NID1: variants seen among roughly 807,000 people sequenced by gnomAD.
The protein encoded by NID1 is nidogen 1.
A neutral mutation model predicts 130.6 loss-of-function variants in NID1; 76 were observed. That is an observed-to-expected ratio of 0.58 (90% CI 0.48 to 0.70). NID1 has a LOEUF of 0.70. NID1 is among the 30% of genes least tolerant of loss of function. The pLI, the probability that NID1 is intolerant of heterozygous loss-of-function variation, is 0.00. For missense variants in NID1, 1,517 were observed against 1,664.8 expected (o/e 0.91, Z 1.54); for synonymous variants, 665 against 675.1 (o/e 0.98, Z 0.23).
At chr1:236,054,744 C>T (rs1464727316) in intron 1 of NID1, among the ~76,000 whole-genome samples, 1 of 151,478 alleles carries the variant, frequency 6.6e-6, no homozygotes, top group Non-Finnish European at 1.5e-5. Flanking sequence ...TGGATTCAAG[C>T]AATTCTCCTG....
intron 4 of NID1, among the ~76,000 whole-genome samples, chr1:236,038,599 C>A (rs1659331288): frequency 6.6e-6 from 1 of 151,362 alleles, no homozygotes; most frequent in African/African-American, 2.4e-5. Flanking sequence ...TGGTGTCCAT[C>A]CAAACTAGTG....
chr1:235,981,860 G>T, intron 15 of NID1, 78 bp from the exon 16 acceptor site: 1 of 1,326,794 alleles, frequency 7.5e-7, no homozygotes, highest in Non-Finnish European at 1.0e-6. Context: ...AATACTCAAT[G>T]TTATTTCACA....
At chr1:236,041,811 C>A in intron 4 of NID1, 99 bp downstream of exon 4, 2 of 1,438,528 alleles carry the variant, frequency 1.4e-6, no homozygotes, top group South Asian at 1.4e-5. Context: ...CTTTACAAAC[C>A]ACCATGTAAT....
In NID1 at chr1:236,049,378, C is replaced by A. The variant is rs535901640; in HGVS notation, c.226-389G>T. ...CCTGTAGTTCCAGCTACTTGGGAGG[C>A]TGAGCTGGGAGGATGGCTTAAGCCC... On this transcript the variant is annotated intron_variant, in intron 1 of 19. Transcript: ENST00000264187. Among the ~76,000 whole-genome samples, 3 of 152,202 alleles carry A rather than the reference C, an allele frequency of 2.0e-5. No individual in the cohort carries two copies. The South Asian group carries it at 6.2e-4, about 32-fold the overall frequency.
chr1:236,013,365 AACTTTCTCAGGTTACAC>A (rs1658487678), intron 11 of NID1, 29 bp downstream of exon 11: 1 of 1,605,110 alleles, frequency 6.2e-7, no homozygotes, highest in Non-Finnish European at 8.5e-7. Flanking sequence ...CCACCTAGGA[AACTTTCTCAGGTTACAC>A]ACAGGGGAAG....
chr1:236,024,232 T>C lies in NID1; in HGVS notation c.1985-19A>G, dbSNP rs1389339973. ...GAGCCTTCTGTGAAGACAGAGACAT[T>C]GGAACCAAGTGAGTCTTCAGGAGCT... On this transcript the variant is annotated intron_variant, in intron 8 of 19. Transcript: ENST00000264187. The C allele has an allele frequency of 1.2e-6, 2 of 1,613,524 alleles. No individual in the cohort carries two copies. Among genetic ancestry groups the C allele is most frequent in the East Asian group, 4.5e-5 (2 of 44,880 alleles).
chr1:236,041,645 G>A (rs1023230038), intron 4 of NID1, among the ~76,000 whole-genome samples: 23 of 152,024 alleles, frequency 1.5e-4, no homozygotes, highest in African/African-American at 5.1e-4. Context: ...CAGACAGAAC[G>A]GAATACTAGG....
At chr1:235,985,326 C>T in intron 15 of NID1, 53 bp downstream of exon 15, 1 of 1,609,548 alleles carries the variant, frequency 6.2e-7, no homozygotes, top group Non-Finnish European at 8.5e-7. Flanking sequence ...TACATGGCCA[C>T]TTTGGCTGCT....
chr1:235,988,521 C>T (rs1450886325), intron 14 of NID1, among the ~76,000 whole-genome samples: 1 of 152,170 alleles, frequency 6.6e-6, no homozygotes, highest in Admixed American at 6.5e-5. Context: ...AGCAATTCCA[C>T]TTTGGTATAT....
At chr1:235,993,952 G>A (rs955654133) in intron 12 of NID1, 80 bp from the exon 13 acceptor site, 8 of 1,372,162 alleles carry the variant, frequency 5.8e-6, no homozygotes, top group Middle Eastern at 1.8e-4. Context: ...AGGAGTCCCC[G>A]CAGCTCGCTC....
intron 12 of NID1, among the ~76,000 whole-genome samples, chr1:236,004,816 C>T (rs1658200057): frequency 6.6e-6 from 1 of 150,814 alleles, no homozygotes; most frequent in South Asian, 2.1e-4. Flanking sequence ...GAGCTAGACC[C>T]TAGGAAATTG....
At chr1:236,044,034 T>C (rs1659528058) in intron 3 of NID1, among the ~76,000 whole-genome samples, 2 of 152,156 alleles carry the variant, frequency 1.3e-5, no homozygotes, top group South Asian at 4.1e-4. Context: ...TATCAGAAAT[T>C]ACATGAAATA....
chr1:236,013,767 T>C (rs1486516326), intron 10 of NID1, among the ~76,000 whole-genome samples: 1 of 152,192 alleles, frequency 6.6e-6, no homozygotes, highest in African/African-American at 2.4e-5. Flanking sequence ...TGATGGGTCT[T>C]GGCTGACTGA....
At chr1:236,054,019 A>G (rs1659830853) in intron 1 of NID1, among the ~76,000 whole-genome samples, 1 of 152,240 alleles carries the variant, frequency 6.6e-6, no homozygotes, top group Non-Finnish European at 1.5e-5. Context: ...AGACAGAAGA[A>G]CATGCTAATG....
intron 12 of NID1, among the ~76,000 whole-genome samples, chr1:236,007,450 TA>T (rs1658283125): frequency 6.6e-6 from 1 of 152,170 alleles, no homozygotes; most frequent in South Asian, 2.1e-4. Context: ...TGGTCTTCCA[TA>T]CTTGGGCAGA....
rs542510126 is a variant in NID1 at position 236,054,557 on chromosome 1, C to A, written c.226-5568G>T. Among the ~76,000 whole-genome samples, 14 of 152,304 alleles carry A rather than the reference C, an allele frequency of 9.2e-5. No individual in the cohort carries two copies. In the South Asian group the frequency reaches 2.9e-3, roughly 32 times the overall value. ...ACCTGAAAAGCAAAATAAAACATTT[C>A]ATGAAACCATTTGCATATTGGACAA... On this transcript the variant is annotated intron_variant, in intron 1 of 19. Transcript: ENST00000264187.
intron 5 of NID1, 139 bp from the exon 6 acceptor site, chr1:236,032,791 G>T: frequency 8.8e-7 from 1 of 1,134,780 alleles, no homozygotes; most frequent in Non-Finnish European, 1.2e-6. Context: ...CTTTGGGTAA[G>T]CAAAAGCAGC....
In NID1 at chr1:235,979,091, G is replaced by A; in HGVS notation, c.3526C>T (p.Leu1176Phe). 1 of 1,613,450 alleles carries A rather than the reference G, an allele frequency of 6.2e-7. No individual in the cohort carries two copies. Among genetic ancestry groups the A allele is most frequent in the Non-Finnish European group, 8.5e-7 (1 of 1,179,416 alleles). ...TDWKMNSVVA[L>F]DLAISKETDA... Reference sequence around the variant, plus strand: ...GTCTCCTTGGAAATTGCAAGATCGAGAGCAACCACGGAATTCCTACAAAGC... The same window carrying A: ...GTCTCCTTGGAAATTGCAAGATCGAAAGCAACCACGGAATTCCTACAAAGC... The change falls in exon 19 of 20, where the codon CTC becomes TTC. Residue 1176 changes from leucine (L) to phenylalanine (F), a missense_variant. Coordinates refer to ENST00000264187, the MANE Select transcript of NID1 (RefSeq NM_002508.3). This position sits in a 1 kb window ranked among gnomAD's most constrained non-coding sequence, Gnocchi z 4.6.
chr1:235,977,826 T>C lies in NID1; in HGVS notation c.*41A>G. On this transcript the variant is annotated 3_prime_UTR_variant, in exon 20 of 20. Coordinates refer to ENST00000264187, the MANE Select transcript of NID1 (RefSeq NM_002508.3). ...GACCAAGTTGCTTCAAGTAGAGTGTTGCTGTGAAATACTTGGAAAGGAAAT... is the reference window on the plus strand; with the variant it reads ...GACCAAGTTGCTTCAAGTAGAGTGTCGCTGTGAAATACTTGGAAAGGAAAT... The C allele has an allele frequency of 6.2e-7, 1 of 1,607,898 alleles. No individual in the cohort carries two copies. Among genetic ancestry groups the C allele is most frequent in the Non-Finnish European group, 8.5e-7 (1 of 1,175,986 alleles).
Sources: gnomAD v4.1 joint callset for allele counts (sites outside exome capture counted in the v4.1 genomes callset) on GRCh38, gnomAD v4.1.1 for gene constraint, Gnocchi (gnomAD v3.1) non-coding constraint, MANE v1.5 for transcripts, NCBI Gene and HGNC (gene_info 2026-07-23, HGNC 2026-07-21) for gene names.